Variants in GALNT9 observed in about 807,000 individuals in gnomAD.
GALNT9 encodes GalNAc transferase 9.
GALNT9 carries 47 observed loss-of-function variants against 63.1 expected under a neutral mutation model. That is an observed-to-expected ratio of 0.75 (90% CI 0.59 to 0.95). The LOEUF (loss-of-function observed/expected upper bound fraction) is 0.95, where lower values mean the gene tolerates loss of function less well. Among genes scored for constraint, GALNT9 ranks in the 40% least tolerant of loss-of-function variants. The pLI is 0.00. For missense variants in GALNT9, 829 were observed against 874.8 expected, an observed-to-expected ratio of 0.95 and a Z score of 0.66; for synonymous variants, 396 against 365.7, an observed-to-expected ratio of 1.08 and a Z score of -0.94.
At chr12:132,203,049 G>T (rs75289579) in intron 7 of GALNT9, among the ~76,000 whole-genome samples, 1 of 152,098 alleles carries the variant, frequency 6.6e-6, no homozygotes, top group East Asian at 1.9e-4. Context: ...AAAAGGTGGC[G>T]CTGAGGACGG....
chr12:132,205,614 G>A (rs1876636833), intron 6 of GALNT9: 1 of 152,342 alleles, frequency 6.6e-6, no homozygotes, highest in African/African-American at 2.4e-5. Context: ...GCCGTGCCAG[G>A]CTGAAGTTGG....
In GALNT9 at chr12:132,196,954, A is replaced by G; in HGVS notation, c.*153T>C. 1.4e-6 allele frequency: 2 copies of G among 1,474,086 alleles called. No individual in the cohort carries two copies. The highest frequency in any genetic ancestry group is 1.8e-6 in the Non-Finnish European group (2 of 1,117,392). The allele number at this position is 1,474,086 out of a possible 1,614,324, so 91.3% of individuals were successfully genotyped here. ...AGATGCAGTGGGTGACACCCTGGTC[A>G]CTCAGCCACACCCCGGCCCCTCAGC... On this transcript the variant is annotated 3_prime_UTR_variant, in exon 11 of 11. Coordinates refer to ENST00000328957, the MANE Select transcript of GALNT9 (RefSeq NM_001122636.2).
At chr12:132,260,833 T>C (rs1593090369) in intron 4 of GALNT9, 115 bp downstream of exon 4, 1 of 1,375,072 alleles carries the variant, frequency 7.3e-7, no homozygotes, top group Non-Finnish European at 9.5e-7. Context: ...CTACGGCGAG[T>C]CTCCCAGCCC....
At chr12:132,227,349 G>A (rs1877734039) in intron 6 of GALNT9, among the ~76,000 whole-genome samples, 1 of 152,074 alleles carries the variant, frequency 6.6e-6, no homozygotes, top group Non-Finnish European at 1.5e-5. Flanking sequence ...AAAGGCCTGC[G>A]ACCCTCTCCC....
At chr12:132,272,111 G>T (rs28592202) in intron 2 of GALNT9, among the ~76,000 whole-genome samples, 2 of 152,006 alleles carry the variant, frequency 1.3e-5, no homozygotes, top group Admixed American at 6.5e-5. Flanking sequence ...GCCCCAGAGC[G>T]GTCGGGGGAC....
rs373944107 is a variant in GALNT9, at chr12:132,328,426, T to C, written c.238+540A>G. Reference sequence around the variant, plus strand: ...CCCATAACAACTTTCTAACGCGGCCTCGGGCACCCCCAGGACAGGGGGCCG... The same window carrying C: ...CCCATAACAACTTTCTAACGCGGCCCCGGGCACCCCCAGGACAGGGGGCCG... On this transcript the variant is annotated intron_variant, in intron 1 of 10. Transcript: ENST00000328957. 5.9e-5 allele frequency among the ~76,000 whole-genome samples: 9 copies of C among 152,298 alleles called. No individual in the cohort carries two copies. The East Asian group carries it at 1.4e-3, about 23-fold the overall frequency.
chr12:132,244,077 G>A (rs2136906196), intron 6 of GALNT9, among the ~76,000 whole-genome samples: 1 of 150,570 alleles, frequency 6.6e-6, no homozygotes, highest in Middle Eastern at 3.4e-3. Context: ...CACCGGCAGA[G>A]TGAGGCCTCG....
intron 6 of GALNT9, among the ~76,000 whole-genome samples, chr12:132,217,730 T>TCATC (rs1234826244): frequency 3.0e-5 from 4 of 132,542 alleles, no homozygotes; most frequent in African/African-American, 1.2e-4. Flanking sequence ...CCACACGCAC[T>TCATC]CATCCATCCA....
chr12:132,257,554 C>T lies in GALNT9; in HGVS notation c.959+135G>A, dbSNP rs530302171. The T allele has an allele frequency of 8.7e-4, 255 of 292,012 alleles. 2 individuals carry two copies. Among genetic ancestry groups the T allele is most frequent in the Non-Finnish European group, 2.2e-4 (34 of 151,844 alleles). The allele number at this position is 292,012 out of a possible 1,614,324, so 18.1% of individuals were successfully genotyped here. A position where few individuals can be genotyped will look rare whatever the true frequency, so the allele number is the denominator to read the frequency against. ...CCTCATCCCCACGCCCTCGTCCCCA[C>T]GCCCTCGTCCCCACGCCCTCGTCCC... On this transcript the variant is annotated intron_variant, in intron 5 of 10. Coordinates refer to ENST00000328957, the MANE Select transcript of GALNT9 (RefSeq NM_001122636.2).
Position 132,196,762 on chromosome 12 carries a change from T to C in GALNT9, c.*345A>G. On this transcript the variant is annotated 3_prime_UTR_variant, in exon 11 of 11. Transcript: ENST00000328957. ...GCAGCCTGGTGCATGGTCCGGGGCT[T>C]GGCCTCCCTATGGGGCGTGGGGGGC... The C allele has an allele frequency of 9.4e-7, 1 of 1,064,468 alleles. No individual in the cohort carries two copies. 65.9% of individuals were successfully genotyped at this position (1,064,468 alleles called of 1,614,324 possible).
intron 5 of GALNT9, among the ~76,000 whole-genome samples, chr12:132,249,400 A>G (rs1438644519): frequency 1.3e-5 from 2 of 152,262 alleles, no homozygotes; most frequent in Non-Finnish European, 2.9e-5. Context: ...GAGACTCAGC[A>G]GTCAGAAATA....
chr12:132,225,086 G>A (rs1306635323), intron 6 of GALNT9, among the ~76,000 whole-genome samples: 1 of 82,392 alleles, frequency 1.2e-5, no homozygotes, highest in African/African-American at 5.1e-5. Flanking sequence ...CAACCCACAT[G>A]CCACACACTG....
chr12:132,290,671 GCGCC>G, intron 1 of GALNT9, among the ~76,000 whole-genome samples: 1 of 108,566 alleles, frequency 9.2e-6, no homozygotes, highest in Non-Finnish European at 1.8e-5. Flanking sequence ...CACGTCCACA[GCGCC>G]CACGTCCTCA....
chr12:132,207,041 G>A (rs112213208), intron 6 of GALNT9, among the ~76,000 whole-genome samples: 42 of 152,308 alleles, frequency 2.8e-4, no homozygotes, highest in African/African-American at 9.4e-4. Context: ...TCCAACCTGG[G>A]TTAAAGAGTG....
chr12:132,291,129 A>G (rs1454270346), intron 1 of GALNT9, among the ~76,000 whole-genome samples: 7 of 39,306 alleles, frequency 1.8e-4, no homozygotes, highest in Non-Finnish European at 1.3e-4. Context: ...CAGCACCCAC[A>G]TCCACAGCAC....
At chr12:132,324,315 A>AGCCTGTGCGCCTCCAGCCGC (rs1436312198) in intron 1 of GALNT9, among the ~76,000 whole-genome samples, 1 of 152,088 alleles carries the variant, frequency 6.6e-6, no homozygotes, top group African/African-American at 2.4e-5. Flanking sequence ...GCCCGGGCCG[A>AGCCTGTGCGCCTCCAGCCGC]GCCTGTGCGC....
At chr12:132,204,074 A>C (rs11836660) in intron 6 of GALNT9, among the ~76,000 whole-genome samples, 2,137 of 151,770 alleles carry the variant, frequency 0.014, 41 homozygotes, top group African/African-American at 0.049. Context: ...CAGCACCCGA[A>C]CACACCAACA....
In GALNT9 at chr12:132,319,083, G is replaced by A. The variant is rs1014592996; in HGVS notation, c.238+9883C>T. On this transcript the variant is annotated intron_variant, in intron 1 of 10. Transcript: ENST00000328957. The surrounding 1 kb of genome is among the most constrained non-coding windows in gnomAD (Gnocchi z 5.2). ...TCCGTGGCCGCCACCGAGCCACCAA[G>A]CCTGCAGCGTGCGTGCCTTCATGTG... 1.3e-5 allele frequency among the ~76,000 whole-genome samples: 2 copies of A among 152,254 alleles called. No individual in the cohort carries two copies. Among genetic ancestry groups the A allele is most frequent in the African/African-American group, 4.8e-5 (2 of 41,474 alleles).
intron 1 of GALNT9, among the ~76,000 whole-genome samples, chr12:132,301,312 A>C (rs1555243807): frequency 6.6e-6 from 1 of 152,268 alleles, no homozygotes; most frequent in East Asian, 1.9e-4. Flanking sequence ...CTCCCAAAGA[A>C]GCAGGTGACA....
Sources: gnomAD v4.1 joint callset for allele counts (sites outside exome capture counted in the v4.1 genomes callset) on GRCh38, gnomAD v4.1.1 for gene constraint, Gnocchi (gnomAD v3.1) non-coding constraint, MANE v1.5 for transcripts, NCBI Gene and HGNC (gene_info 2026-07-23, HGNC 2026-07-21) for gene names.